The following GRID2 variants were observed in gnomAD, a reference collection of about 807,000 sequenced individuals.
GRID2 encodes glutamate receptor ionotropic, delta-2.
In GRID2, 33 loss-of-function variants were observed where a neutral mutation model predicts 114.8. The observed-to-expected ratio is 0.29, with a 90% CI of 0.22 to 0.38. The LOEUF is 0.38. Ranked by LOEUF, GRID2 falls within the 10% of genes least tolerant of loss-of-function variation. The probability of loss-of-function intolerance (pLI) is 1.00; values close to 1 mark genes in which losing one functional copy is unlikely to be tolerated. For synonymous variants in GRID2, 505 were observed against 449.9 expected (o/e 1.12, Z -1.55); for missense variants, 1,184 against 1,257.7 (o/e 0.94, Z 0.89).
intron 2 of GRID2, among the ~76,000 whole-genome samples, chr4:92,666,002 C>G (rs1732754952): frequency 6.6e-6 from 1 of 151,368 alleles, no homozygotes; most frequent in Non-Finnish European, 1.5e-5. Context: ...TAAATATTTT[C>G]TCTGCCTCTT....
At chr4:92,841,154 A>G (rs1330183316) in intron 2 of GRID2, among the ~76,000 whole-genome samples, 1 of 152,068 alleles carries the variant, frequency 6.6e-6, no homozygotes, top group Non-Finnish European at 1.5e-5. Context: ...TGCTTTCACC[A>G]CATAATAGAA....
At chr4:92,503,561 A>G (rs906421331) in intron 1 of GRID2, among the ~76,000 whole-genome samples, 1 of 152,106 alleles carries the variant, frequency 6.6e-6, no homozygotes, top group African/African-American at 2.4e-5. Context: ...AATTGTTTCC[A>G]TGATCCTTAT....
intron 2 of GRID2, chr4:92,838,978 A>G (rs1188508249): frequency 6.6e-6 from 1 of 152,086 alleles, no homozygotes; most frequent in East Asian, 1.9e-4. Context: ...ATACAAATAA[A>G]ACATTACAGG....
intron 4 of GRID2, among the ~76,000 whole-genome samples, chr4:93,197,315 C>T (rs762905289): frequency 2.6e-5 from 4 of 152,134 alleles, no homozygotes; most frequent in Non-Finnish European, 4.4e-5. Flanking sequence ...TGCATCCACT[C>T]CTGTTTCGCT....
At chr4:92,861,091 A>AT (rs1321952821) in intron 2 of GRID2, among the ~76,000 whole-genome samples, 1 of 152,136 alleles carries the variant, frequency 6.6e-6, no homozygotes, top group Non-Finnish European at 1.5e-5. Flanking sequence ...AGTCTAGATT[A>AT]TTAAATTATG....
chr4:92,334,194 T>G (rs965693591), intron 1 of GRID2, among the ~76,000 whole-genome samples: 3 of 152,216 alleles, frequency 2.0e-5, no homozygotes, highest in African/African-American at 7.2e-5. Flanking sequence ...TCATTGGAAC[T>G]GCCTTTGCCA....
intron 1 of GRID2, among the ~76,000 whole-genome samples, chr4:92,358,548 T>G (rs1728456217): frequency 6.6e-6 from 1 of 151,926 alleles, no homozygotes; most frequent in Non-Finnish European, 1.5e-5. Flanking sequence ...GAGATAACAT[T>G]GGGAACTTAA....
At chr4:93,770,365 GCCTGAGGCAACT>G (rs1368737191) in intron 15 of GRID2, among the ~76,000 whole-genome samples, 2 of 152,190 alleles carry the variant, frequency 1.3e-5, no homozygotes, top group Non-Finnish European at 2.9e-5. Context: ...ACTAACTGAT[GCCTGAGGCAACT>G]CCTGAAAGGA....
intron 2 of GRID2, among the ~76,000 whole-genome samples, chr4:92,764,085 A>T (rs964320583): frequency 6.6e-6 from 1 of 152,170 alleles, no homozygotes; most frequent in Non-Finnish European, 1.5e-5. Flanking sequence ...TCATGGTCTA[A>T]GATGGTTGTC....
At chr4:92,960,245 A>G (rs1389143874) in intron 2 of GRID2, among the ~76,000 whole-genome samples, 1 of 151,990 alleles carries the variant, frequency 6.6e-6, no homozygotes, top group Non-Finnish European at 1.5e-5. Context: ...CTGATGTTGA[A>G]TGAAGTACCC....
chr4:93,428,986 G>A (rs1284025176), intron 10 of GRID2, among the ~76,000 whole-genome samples: 1 of 152,166 alleles, frequency 6.6e-6, no homozygotes, highest in Admixed American at 6.5e-5. Flanking sequence ...CAGATATCAA[G>A]TGTTACTGAT....
At chr4:93,572,911 T>C (rs1363946934) in intron 13 of GRID2, among the ~76,000 whole-genome samples, 7 of 152,138 alleles carry the variant, frequency 4.6e-5, no homozygotes, top group Non-Finnish European at 1.0e-4. Context: ...ATTGTACATA[T>C]TTTAAAGAAG....
intron 12 of GRID2, among the ~76,000 whole-genome samples, chr4:93,492,496 C>T (rs1375952028): frequency 6.6e-6 from 1 of 151,730 alleles, no homozygotes; most frequent in Non-Finnish European, 1.5e-5. Context: ...TTTTAGAGAA[C>T]ACAAGAAGAA....
intron 2 of GRID2, among the ~76,000 whole-genome samples, chr4:93,046,457 G>T (rs1022979510): frequency 6.6e-6 from 1 of 152,042 alleles, no homozygotes; most frequent in African/African-American, 2.4e-5. Flanking sequence ...CAACAGAGAA[G>T]ATTCTCATAA....
At chr4:92,696,105 A>G (rs1002020481) in intron 2 of GRID2, among the ~76,000 whole-genome samples, 3 of 152,156 alleles carry the variant, frequency 2.0e-5, no homozygotes, top group Non-Finnish European at 4.4e-5. Context: ...AAAATTTAAC[A>G]TAGATTTTAA....
intron 2 of GRID2, among the ~76,000 whole-genome samples, chr4:92,848,687 C>T (rs985870628): frequency 2.6e-5 from 4 of 151,820 alleles, no homozygotes; most frequent in African/African-American, 7.3e-5. Flanking sequence ...TTTAATGAAG[C>T]GGGCTACGGG....
At chr4:92,579,177 C>G (rs528416354) in intron 1 of GRID2, among the ~76,000 whole-genome samples, 1 of 151,960 alleles carries the variant, frequency 6.6e-6, no homozygotes, top group East Asian at 1.9e-4. Flanking sequence ...TTTTTTTTAA[C>G]TTGAGCTCTG....
intron 2 of GRID2, among the ~76,000 whole-genome samples, chr4:92,929,982 C>A (rs1393889486): frequency 6.6e-6 from 1 of 151,290 alleles, no homozygotes; most frequent in Admixed American, 6.6e-5. Context: ...TGGCCTAATT[C>A]AATATTTCTG....
intron 1 of GRID2, among the ~76,000 whole-genome samples, chr4:92,408,031 C>T (rs893128164): frequency 6.6e-6 from 1 of 152,068 alleles, no homozygotes; most frequent in Admixed American, 6.6e-5. Flanking sequence ...AAGGATATTT[C>T]CTAGGTTTTC....
Sources: allele counts gnomAD v4.1 joint callset (sites outside exome capture counted in the v4.1 genomes callset), GRCh38; gene constraint gnomAD v4.1.1; transcripts MANE v1.5; gene names NCBI Gene and HGNC (gene_info 2026-07-23, HGNC 2026-07-21).